DIP2C: variants seen among roughly 807,000 people sequenced by gnomAD.
DIP2C encodes DIP2 acetate--CoA ligase C (putative), also known as disco-interacting protein 2 homolog C.
DIP2C carries 33 observed loss-of-function variants against 192.4 expected under a neutral mutation model. That is an observed-to-expected ratio of 0.17 (90% CI 0.13 to 0.23). DIP2C has a LOEUF of 0.23. Among genes scored for constraint, DIP2C ranks in the 10% least tolerant of loss-of-function variants. DIP2C has a pLI of 1.00. For missense variants in DIP2C, 1,537 were observed against 2,110.1 expected (o/e 0.73, Z 5.32); for synonymous variants, 979 against 864.1 (o/e 1.13, Z -2.33).
chr10:544,837 GATA>G lies in DIP2C; in HGVS notation c.86-58310_86-58308del, dbSNP rs1483663603. On this transcript the variant is annotated intron_variant, in intron 1 of 36. Transcript: ENST00000280886. ...ATTCTTGATATCAGGCCCTTATTGG[GATA>G]ATGTGTCTTGTTCTGTGGGTTGTGT... Among the ~76,000 whole-genome samples, 4 of 152,226 alleles carry G rather than the reference GATA, an allele frequency of 2.6e-5. No homozygotes were observed. The East Asian group carries it at 7.7e-4, about 29-fold the overall frequency.
At chr10:283,604 C>T (rs980816440) in intron 34 of DIP2C, among the ~76,000 whole-genome samples, 158 bp from the exon 35 acceptor site, 62 of 152,250 alleles carry the variant, frequency 4.1e-4, no homozygotes, top group African/African-American at 1.4e-3. Context: ...TCGGGTTTCT[C>T]GAGAGACACA....
intron 1 of DIP2C, among the ~76,000 whole-genome samples, chr10:516,076 A>G (rs547688616): frequency 1.3e-5 from 2 of 151,020 alleles, no homozygotes; most frequent in African/African-American, 4.9e-5. Flanking sequence ...CCACGACGAG[A>G]GGAAACGAGG....
intron 1 of DIP2C, among the ~76,000 whole-genome samples, chr10:625,658 A>G (rs958320643): frequency 6.6e-6 from 1 of 152,192 alleles, no homozygotes; most frequent in Non-Finnish European, 1.5e-5. Flanking sequence ...CCTCACGCAC[A>G]CTGCGCTTCA....
chr10:655,492 G>A (rs919165905), intron 1 of DIP2C, among the ~76,000 whole-genome samples: 11 of 151,728 alleles, frequency 7.2e-5, no homozygotes, highest in African/African-American at 1.7e-4. Flanking sequence ...TCCACACTAC[G>A]CTACGTAATA....
intron 6 of DIP2C, among the ~76,000 whole-genome samples, chr10:417,924 T>TCGGATAGGCCTCCCTGTCCACCTGCA (rs1564686095): frequency 7.6e-5 from 2 of 26,236 alleles, no homozygotes; most frequent in African/African-American, 1.1e-4. Context: ...GTCCACCTGT[T>TCGGATAGGCCTCCCTGTCCACCTGCA]CCTGTCAGGG....
chr10:497,824 A>T (rs1391414817), intron 1 of DIP2C, among the ~76,000 whole-genome samples: 1 of 152,248 alleles, frequency 6.6e-6, no homozygotes, highest in Non-Finnish European at 1.5e-5. Flanking sequence ...GCGCCAAAAA[A>T]AATTAGCTAT....
At chr10:408,070 G>C (rs1254151935) in intron 9 of DIP2C, among the ~76,000 whole-genome samples, 1 of 151,222 alleles carries the variant, frequency 6.6e-6, no homozygotes, top group East Asian at 1.9e-4. Context: ...CTAGGTTTTG[G>C]CTTTAGCTCT....
intron 1 of DIP2C, among the ~76,000 whole-genome samples, chr10:489,166 C>T (rs1844242136): frequency 6.6e-6 from 1 of 152,232 alleles, no homozygotes; most frequent in Non-Finnish European, 1.5e-5. Context: ...TCACAAACTC[C>T]TGCTACGTTT....
intron 1 of DIP2C, among the ~76,000 whole-genome samples, chr10:617,459 G>A (rs538282520): frequency 6.6e-6 from 1 of 152,308 alleles, no homozygotes; most frequent in African/African-American, 2.4e-5. Context: ...TCCAGCACAC[G>A]TGGGACCCTA....
At chr10:534,333 G>A (rs1455018157) in intron 1 of DIP2C, among the ~76,000 whole-genome samples, 1 of 152,256 alleles carries the variant, frequency 6.6e-6, no homozygotes, top group Admixed American at 6.5e-5. Flanking sequence ...GACAGAGGCA[G>A]GAGCCAGATG....
intron 1 of DIP2C, among the ~76,000 whole-genome samples, chr10:684,795 G>A (rs949353233): frequency 2.0e-5 from 3 of 152,196 alleles, no homozygotes; most frequent in Admixed American, 2.0e-4. Context: ...CAGGCTGTGT[G>A]AAGACCATGT....
intron 1 of DIP2C, among the ~76,000 whole-genome samples, chr10:540,274 A>T (rs1286637310): frequency 6.6e-6 from 1 of 152,252 alleles, no homozygotes; most frequent in Non-Finnish European, 1.5e-5. Flanking sequence ...CAAGGAGACC[A>T]AGTTCAGAGC....
At chr10:423,167 G>C in intron 4 of DIP2C, 134 bp from the exon 5 acceptor site, 1 of 818,138 alleles carries the variant, frequency 1.2e-6, no homozygotes, top group Non-Finnish European at 1.9e-6. Flanking sequence ...ACACTCTTGA[G>C]AAGTTAAACC....
chr10:296,097 T>C (rs761213525), intron 32 of DIP2C, among the ~76,000 whole-genome samples: 4 of 152,238 alleles, frequency 2.6e-5, no homozygotes, highest in Non-Finnish European at 4.4e-5. Context: ...GGTAGTTTCT[T>C]TTGCTGTGCA....
intron 2 of DIP2C, chr10:485,015 G>A (rs1292015733): frequency 4.7e-6 from 7 of 1,499,084 alleles, no homozygotes; most frequent in Non-Finnish European, 6.2e-6. Context: ...TTACAGCGCT[G>A]AGCAGAGCTG....
At chr10:524,984 G>C (rs1035512654) in intron 1 of DIP2C, among the ~76,000 whole-genome samples, 4 of 83,760 alleles carry the variant, frequency 4.8e-5, no homozygotes, top group East Asian at 4.2e-4. Flanking sequence ...AAAAAAAAAA[G>C]AATCACATTT....
intron 1 of DIP2C, among the ~76,000 whole-genome samples, chr10:505,307 TAGG>T (rs1462238792): frequency 6.6e-6 from 1 of 152,158 alleles, no homozygotes; most frequent in Non-Finnish European, 1.5e-5. Flanking sequence ...GGAGCTATCT[TAGG>T]AGGCAACAAG....
chr10:491,250 C>T (rs556651515), intron 1 of DIP2C, among the ~76,000 whole-genome samples: 15 of 152,220 alleles, frequency 9.9e-5, no homozygotes, highest in Non-Finnish European at 2.1e-4. Flanking sequence ...TGGCTCAGCT[C>T]CAAGCACACA....
chr10:401,832 G>A (rs1329412937), intron 9 of DIP2C, among the ~76,000 whole-genome samples: 2 of 151,284 alleles, frequency 1.3e-5, no homozygotes, highest in Non-Finnish European at 2.9e-5. Flanking sequence ...GATTTTACAC[G>A]TGTGGCAGCA....
Sources: allele counts gnomAD v4.1 joint callset (sites outside exome capture counted in the v4.1 genomes callset), GRCh38; gene constraint gnomAD v4.1.1; transcripts MANE v1.5; gene names NCBI Gene and HGNC (gene_info 2026-07-23, HGNC 2026-07-21).